PPM1H: variants seen among roughly 807,000 people sequenced by gnomAD.
PPM1H encodes protein phosphatase 1H.
A neutral mutation model predicts 54.9 loss-of-function variants in PPM1H; 27 were observed. The observed-to-expected ratio is 0.49, with a 90% CI of 0.36 to 0.68. The LOEUF (loss-of-function observed/expected upper bound fraction) is 0.68. Ranked by LOEUF, PPM1H falls within the 30% of genes least tolerant of loss-of-function variation. PPM1H has a pLI of 0.00. For synonymous variants in PPM1H, 305 were observed against 270.8 expected (o/e 1.13, Z -1.24); for missense variants, 596 against 667.8 (o/e 0.89, Z 1.19).
intron 1 of PPM1H, among the ~76,000 whole-genome samples, chr12:62,838,643 C>CA (rs1868589899): frequency 1.9e-5 from 2 of 102,566 alleles, no homozygotes; most frequent in African/African-American, 1.0e-4. Context: ...CTTCTCTGGC[C>CA]GGGCGCGGTG....
At chr12:62,877,403 C>T (rs1219649566) in intron 1 of PPM1H, among the ~76,000 whole-genome samples, 1 of 152,204 alleles carries the variant, frequency 6.6e-6, no homozygotes, top group African/African-American at 2.4e-5. Context: ...GCAGTCAGTG[C>T]TCTCGGCTGA....
At chr12:62,924,549 A>G (rs1259150550) in intron 1 of PPM1H, among the ~76,000 whole-genome samples, 1 of 152,258 alleles carries the variant, frequency 6.6e-6, no homozygotes, top group Non-Finnish European at 1.5e-5. Flanking sequence ...CGAATTTACT[A>G]CATTCGAGAC....
At chr12:62,665,689 T>A (rs1334183819) in intron 9 of PPM1H, among the ~76,000 whole-genome samples, 1 of 152,246 alleles carries the variant, frequency 6.6e-6, no homozygotes, top group East Asian at 1.9e-4. Context: ...TAAAAATTGT[T>A]TAGTCATTTT....
chr12:62,866,691 G>A (rs1364373192), intron 1 of PPM1H, among the ~76,000 whole-genome samples: 1 of 152,094 alleles, frequency 6.6e-6, no homozygotes, highest in East Asian at 1.9e-4. Context: ...AACCTCATGA[G>A]AGGCTGAGCC....
At chr12:62,889,774 T>C (rs970285801) in intron 1 of PPM1H, among the ~76,000 whole-genome samples, 4 of 152,160 alleles carry the variant, frequency 2.6e-5, no homozygotes, top group African/African-American at 9.7e-5. Context: ...CAAAAATTAA[T>C]TTGAAATGAA....
chr12:62,867,132 C>A (rs978010689), intron 1 of PPM1H, among the ~76,000 whole-genome samples: 2 of 152,092 alleles, frequency 1.3e-5, no homozygotes, highest in African/African-American at 4.8e-5. Flanking sequence ...TAATTTGTAA[C>A]CTGTCTCCTG....
intron 2 of PPM1H, among the ~76,000 whole-genome samples, chr12:62,824,321 C>T (rs1050716812): frequency 3.3e-5 from 5 of 152,194 alleles, no homozygotes; most frequent in East Asian, 1.9e-4. Context: ...AATGGCCATA[C>T]TGCCCAAAGT....
chr12:62,780,173 A>G (rs2076633122), intron 4 of PPM1H, among the ~76,000 whole-genome samples: 1 of 152,232 alleles, frequency 6.6e-6, no homozygotes, highest in African/African-American at 2.4e-5. Context: ...TAGCTTAAAT[A>G]CTGCAGCCTA....
chr12:62,703,510 G>A (rs746484861), intron 6 of PPM1H, among the ~76,000 whole-genome samples: 1 of 151,872 alleles, frequency 6.6e-6, no homozygotes, highest in African/African-American at 2.4e-5. Context: ...CACAGGGGCT[G>A]GTTGGGTTTG....
At chr12:62,803,658 G>A (rs1046968654) in intron 2 of PPM1H, among the ~76,000 whole-genome samples, 11 of 152,130 alleles carry the variant, frequency 7.2e-5, no homozygotes, top group African/African-American at 2.4e-4. Flanking sequence ...ATTTAGATAT[G>A]ATACCCAAAG....
At chr12:62,831,782 T>G (rs1340971653) in intron 2 of PPM1H, among the ~76,000 whole-genome samples, 1 of 145,700 alleles carries the variant, frequency 6.9e-6, no homozygotes, top group Non-Finnish European at 1.5e-5. Flanking sequence ...CACACATATA[T>G]ATACGTATAC....
chr12:62,674,808 T>C (rs546784940), intron 8 of PPM1H, among the ~76,000 whole-genome samples: 2 of 152,310 alleles, frequency 1.3e-5, no homozygotes, highest in South Asian at 4.1e-4. Context: ...GAGAAAGGGC[T>C]GGTGTGTTTG....
intron 7 of PPM1H, among the ~76,000 whole-genome samples, chr12:62,692,543 G>T (rs976858036): frequency 6.6e-6 from 1 of 152,128 alleles, no homozygotes; most frequent in Non-Finnish European, 1.5e-5. Context: ...AGATACAGGG[G>T]TAACAGAATG....
intron 4 of PPM1H, among the ~76,000 whole-genome samples, chr12:62,738,518 G>C (rs551530023): frequency 6.6e-6 from 1 of 152,252 alleles, no homozygotes; most frequent in Non-Finnish European, 1.5e-5. Flanking sequence ...CGATAACCAT[G>C]AGCAACCTTT....
intron 1 of PPM1H, among the ~76,000 whole-genome samples, chr12:62,876,814 A>G (rs145198955): frequency 1.9e-3 from 294 of 152,266 alleles, no homozygotes; most frequent in African/African-American, 6.6e-3. Context: ...TACAAACCCA[A>G]CATCCCGTTA....
intron 1 of PPM1H, among the ~76,000 whole-genome samples, chr12:62,855,905 G>C (rs1368936949): frequency 1.3e-5 from 2 of 152,144 alleles, no homozygotes; most frequent in Non-Finnish European, 2.9e-5. Context: ...ATCCTTTCAG[G>C]TTTTCCCTTT....
chr12:62,768,219 A>G (rs1350996310), intron 4 of PPM1H, among the ~76,000 whole-genome samples: 2 of 152,076 alleles, frequency 1.3e-5, no homozygotes, highest in African/African-American at 4.8e-5. Flanking sequence ...TGCTCAGGAG[A>G]AAGGAAAAGG....
rs1871654223 is a variant in PPM1H, at chr12:62,917,264, C to T, written c.245+17228G>A. 2.0e-5 allele frequency among the ~76,000 whole-genome samples: 3 copies of T among 152,370 alleles called. No individual in the cohort carries two copies. In the South Asian group the frequency reaches 6.2e-4, roughly 32 times the overall value. ...CGGCCAAAGTGGGAGAACATTAGCT[C>T]TGTGCCAAGTGGCAGCACAATTCTG... is the stretch of plus-strand genomic sequence containing the variant. On this transcript the variant is annotated intron_variant, in intron 1 of 9. Coordinates refer to ENST00000228705, the MANE Select transcript of PPM1H (RefSeq NM_020700.2).
At chr12:62,753,649 T>G (rs1164651493) in intron 4 of PPM1H, among the ~76,000 whole-genome samples, 1 of 152,236 alleles carries the variant, frequency 6.6e-6, no homozygotes, top group East Asian at 1.9e-4. Context: ...AAAAAGGCCA[T>G]GACAGACCAT....
Sources: allele counts gnomAD v4.1 joint callset (sites outside exome capture counted in the v4.1 genomes callset), GRCh38; gene constraint gnomAD v4.1.1; transcripts MANE v1.5; gene names NCBI Gene and HGNC (gene_info 2026-07-23, HGNC 2026-07-21).